The following RIOK1 variants were observed in gnomAD, a reference collection of about 807,000 sequenced individuals.
RIOK1 encodes the protein serine/threonine-protein kinase RIO1.
A neutral mutation model predicts 73.5 loss-of-function variants in RIOK1; 66 were observed. The observed-to-expected ratio is 0.90, with a 90% confidence interval of 0.74 to 1.10. RIOK1 has a LOEUF of 1.10. Among genes scored for constraint, RIOK1 ranks in the 50% least tolerant of loss-of-function variants. The pLI is 0.00. For missense variants in RIOK1, 658 were observed against 699.8 expected (o/e 0.94, Z 0.67); for synonymous variants, 224 against 226.8 (o/e 0.99, Z 0.11).
chr6:7,394,085 G>C (rs1362643169), intron 2 of RIOK1, among the ~76,000 whole-genome samples: 4 of 152,208 alleles, frequency 2.6e-5, no homozygotes, highest in African/African-American at 9.6e-5. Context: ...GGATTAACAT[G>C]GTACATCTTC....
At chr6:7,399,426 T>G (rs779199366) in intron 5 of RIOK1, among the ~76,000 whole-genome samples, 50 of 152,194 alleles carry the variant, frequency 3.3e-4, no homozygotes, top group Non-Finnish European at 3.1e-4. Context: ...TTTTGTGATT[T>G]ATTTCTGTAA....
intron 2 of RIOK1, 36 bp from the exon 3 acceptor site, chr6:7,395,017 A>C (rs1216919269): frequency 1.2e-6 from 2 of 1,610,686 alleles, no homozygotes. Context: ...GTTTGTTTTT[A>C]CAGCTAGTGC....
chr6:7,411,801 G>A (rs986736500), intron 14 of RIOK1, among the ~76,000 whole-genome samples: 1 of 152,198 alleles, frequency 6.6e-6, no homozygotes, highest in Non-Finnish European at 1.5e-5. Flanking sequence ...GGGTCAGATA[G>A]TAAATATTTT....
intron 1 of RIOK1, among the ~76,000 whole-genome samples, chr6:7,392,243 CAAA>C (rs35570327): frequency 1.7e-3 from 191 of 110,748 alleles, no homozygotes; most frequent in East Asian, 2.1e-3. Context: ...TCTAATATGG[CAAA>C]AAAAAAAAAA....
Position 7,395,077 on chromosome 6 carries a change from A to T in RIOK1, c.301A>T (p.Ser101Cys), listed in dbSNP as rs553166454. Residue 101 changes from serine (S) to cysteine (C), a missense_variant, in exon 3 of 17, where the codon AGT becomes TGT. Coordinates refer to ENST00000379834, the MANE Select transcript of RIOK1 (RefSeq NM_031480.3). The stretch of plus-strand genomic sequence containing the variant: ...GGCAAATCGACAGACCTCCGACAGC[A>T]GTTCAGCCAAAATGTCTACTCCAGC... Reference protein sequence around the residue: ...PQANRQTSDSSSAKMSTPADK... With the variant: ...PQANRQTSDSCSAKMSTPADK... 2.5e-6 allele frequency: 4 copies of T among 1,614,004 alleles called. No individual in the cohort carries two copies. In the African/African-American group the frequency reaches 4.0e-5, roughly 16 times the overall value.
Position 7,414,385 on chromosome 6 carries a change from A to T in RIOK1, c.1591A>T (p.Lys531Ter). Residue 531 changes from lysine (K) to a stop codon, truncating the protein, a stop_gained, in exon 16 of 17, where the codon AAA becomes TAA. Coordinates refer to ENST00000379834, the MANE Select transcript of RIOK1 (RefSeq NM_031480.3). LOFTEE classifies it high-confidence loss of function. ...KKHTTDPDIDKKERKKMVKEA... is the reference protein window; with the variant it reads ...KKHTTDPDID ...ACACACCACGGACCCTGACATTGATAAAAAAGTAAGCAATGAAATACCTTC... is the reference window on the plus strand; with the variant it reads ...ACACACCACGGACCCTGACATTGATTAAAAAGTAAGCAATGAAATACCTTC... 1 of 1,599,416 alleles carries T rather than the reference A, an allele frequency of 6.3e-7. No individual in the cohort carries two copies. Among genetic ancestry groups the T allele is most frequent in the Non-Finnish European group, 8.5e-7 (1 of 1,175,936 alleles).
In RIOK1 at chr6:7,404,321, C is replaced by T. The variant is rs1761685710; in HGVS notation, c.855-97C>T. 5 of 1,378,174 alleles carry T rather than the reference C, an allele frequency of 3.6e-6. No homozygotes were observed. The Admixed American group carries it at 9.4e-5, about 26-fold the overall frequency. The allele number at this position is 1,378,174 out of a possible 1,614,324, so 85.4% of individuals were successfully genotyped here. A position where few individuals can be genotyped will look rare whatever the true frequency, so the allele number is the denominator to read the frequency against. Reference sequence around the variant, plus strand: ...GAGACAGATTGTCCCACATACAGCTCACATGATGAGTTGTAGAAGAGAAGG... The same window carrying T: ...GAGACAGATTGTCCCACATACAGCTTACATGATGAGTTGTAGAAGAGAAGG... On this transcript the variant is annotated intron_variant, in intron 9 of 16. Coordinates refer to ENST00000379834, the MANE Select transcript of RIOK1 (RefSeq NM_031480.3).
intron 14 of RIOK1, 22 bp downstream of exon 14, chr6:7,411,473 T>C: frequency 6.2e-7 from 1 of 1,613,042 alleles, no homozygotes; most frequent in East Asian, 2.2e-5. Flanking sequence ...GGTTTGTATA[T>C]AGCAAGCAGC....
chr6:7,401,949 TATTACAGGC>T (rs1163964763), intron 6 of RIOK1, among the ~76,000 whole-genome samples: 1 of 152,152 alleles, frequency 6.6e-6, no homozygotes, highest in Admixed American at 6.6e-5. Flanking sequence ...AAAGTGCTGC[TATTACAGGC>T]ATGAGCCTCC....
chr6:7,399,957 A>T (rs1283933158), intron 5 of RIOK1, among the ~76,000 whole-genome samples: 1 of 152,224 alleles, frequency 6.6e-6, no homozygotes, highest in Non-Finnish European at 1.5e-5. Flanking sequence ...TGGCTAGTTT[A>T]TAATACCGTC....
intron 16 of RIOK1, among the ~76,000 whole-genome samples, chr6:7,415,323 G>C (rs1160204346): frequency 6.6e-6 from 1 of 152,158 alleles, no homozygotes; most frequent in Non-Finnish European, 1.5e-5. Context: ...AGGATCCCTT[G>C]AGTCCAGAAG....
Position 7,395,116 on chromosome 6 carries a change from C to G in RIOK1, c.340C>G (p.Arg114Gly). 6.2e-7 allele frequency: 1 copy of G among 1,613,360 alleles called. No homozygotes were observed. Among genetic ancestry groups the G allele is most frequent in the Non-Finnish European group, 8.5e-7 (1 of 1,179,600 alleles). Residue 114 changes from arginine to glycine, a missense_variant, in exon 3 of 17, where the codon CGG becomes GGG. Arg to Gly is a moderately radical substitution (Grantham distance 125, BLOSUM62 -2). Transcript: ENST00000379834. ...KMSTPADKVL[R>G]KFENKINLDK... is the part of the protein sequence containing the mutation. ...GTCTACTCCAGCAGACAAGGTCTTA[C>G]GGAAATTTGAGAATAAAATTAATTT... is the stretch of plus-strand genomic sequence containing the variant.
chr6:7,412,728 A>G (rs184979737), intron 14 of RIOK1, among the ~76,000 whole-genome samples, 161 bp from the exon 15 acceptor site: 169 of 151,932 alleles, frequency 1.1e-3, no homozygotes, highest in African/African-American at 3.8e-3. Flanking sequence ...TAATATCAAT[A>G]TTATAAACTT....
intron 16 of RIOK1, 102 bp from the exon 17 acceptor site, chr6:7,417,229 G>A (rs552331364): frequency 3.5e-5 from 23 of 651,482 alleles, no homozygotes; most frequent in African/African-American, 1.9e-4. Context: ...CAGCCTGGGC[G>A]ACAGAGCAAG....
At chr6:7,415,733 C>T (rs780720627) in intron 16 of RIOK1, among the ~76,000 whole-genome samples, 2 of 152,176 alleles carry the variant, frequency 1.3e-5, no homozygotes, top group African/African-American at 2.4e-5. Context: ...GGAATAGTTA[C>T]ACAGATTCAG....
Position 7,393,155 on chromosome 6 carries a change from T to C in RIOK1, c.128T>C (p.Leu43Pro), listed in dbSNP as rs757172873. The C allele has an allele frequency of 6.2e-7, 1 of 1,613,874 alleles. No homozygotes were observed. Among genetic ancestry groups the C allele is most frequent in the Admixed American group, 1.7e-5 (1 of 60,002 alleles). The change falls in exon 2 of 17, where the codon CTT becomes CCT. Residue 43 changes from leucine (L) to proline (P), a missense_variant. Coordinates refer to ENST00000379834, the MANE Select transcript of RIOK1 (RefSeq NM_031480.3). ...AAGGATGACATTCTGTTTGAAGACC[T>C]TCAAGACAATGTGAATGAGAATGGT... ...KEKDDILFED[L>P]QDNVNENGEG...
rs1250739824 is a variant in RIOK1, at chr6:7,404,486, T to G, written c.923T>G (p.Ile308Ser). The change falls in exon 10 of 17, where the codon ATT becomes AGT. Residue 308 changes from isoleucine to serine, a missense_variant. Physicochemically the swap from Ile to Ser is moderately radical, Grantham distance 142. Transcript: ENST00000379834. ...SKARELYLQV[I>S]QYMRRMYQDA... The stretch of plus-strand genomic sequence containing the variant: ...GCTCGGGAGTTGTACCTGCAGGTCA[T>G]TCAGTACATGAGAAGAATGTATCAG... 1 of 1,614,118 alleles carries G rather than the reference T, an allele frequency of 6.2e-7. No homozygotes were observed. The highest frequency in any genetic ancestry group is 8.5e-7 in the Non-Finnish European group (1 of 1,179,974).
In RIOK1 at chr6:7,395,811, A is replaced by G. The variant is rs116514207; in HGVS notation, c.367+668A>G. On this transcript the variant is annotated intron_variant, in intron 3 of 16. Coordinates refer to ENST00000379834, the MANE Select transcript of RIOK1 (RefSeq NM_031480.3). Reference sequence around the variant, plus strand: ...TCCAACCCTGATTTCTGGGGTTCAGACGATCCTCCCACCTTAGCCTCCCAA... The same window carrying G: ...TCCAACCCTGATTTCTGGGGTTCAGGCGATCCTCCCACCTTAGCCTCCCAA... Among the ~76,000 whole-genome samples the G allele has an allele frequency of 5.8e-3, 880 of 151,596 alleles. 3 individuals carry two copies. The highest frequency in any genetic ancestry group is 9.4e-3 in the Non-Finnish European group (639 of 67,896).
chr6:7,412,861 A>AC, intron 14 of RIOK1, 28 bp from the exon 15 acceptor site: 1 of 1,012,646 alleles, frequency 9.9e-7, no homozygotes, highest in Non-Finnish European at 1.4e-6. Flanking sequence ...GTTGATCCTT[A>AC]TTTTTTTTTT....
Sources: allele counts gnomAD v4.1 joint callset (sites outside exome capture counted in the v4.1 genomes callset), GRCh38; gene constraint gnomAD v4.1.1; transcripts MANE v1.5; gene names NCBI Gene and HGNC (gene_info 2026-07-23, HGNC 2026-07-21).